Variants in PRKCZ observed in about 807,000 individuals in gnomAD.
PRKCZ encodes protein kinase C zeta.
PRKCZ carries 33 observed loss-of-function variants against 79.5 expected under a neutral mutation model. The observed-to-expected ratio is 0.41, with a 90% CI of 0.31 to 0.55. PRKCZ has a LOEUF of 0.55. Ranked by LOEUF, PRKCZ falls within the 20% of genes least tolerant of loss-of-function variation. PRKCZ has a pLI of 0.19. For missense variants in PRKCZ, 578 were observed against 813.5 expected, an observed-to-expected ratio of 0.71 and a Z score of 3.52; for synonymous variants, 342 against 320.9, an observed-to-expected ratio of 1.07 and a Z score of -0.70.
At chr1:2,096,897 T>C (rs1419334285) in intron 4 of PRKCZ, among the ~76,000 whole-genome samples, 1 of 152,344 alleles carries the variant, frequency 6.6e-6, no homozygotes, top group East Asian at 1.9e-4. Flanking sequence ...CCCTTGAGGC[T>C]GAACCTGAGA....
At chr1:2,096,474 A>T (rs1238251932) in intron 4 of PRKCZ, among the ~76,000 whole-genome samples, 1 of 151,954 alleles carries the variant, frequency 6.6e-6, no homozygotes, top group Non-Finnish European at 1.5e-5. Flanking sequence ...GGTTGTACGG[A>T]CTTCGTGAGG....
At chr1:2,121,490 G>C (rs1360174240) in intron 4 of PRKCZ, among the ~76,000 whole-genome samples, 1 of 53,644 alleles carries the variant, frequency 1.9e-5, no homozygotes. Context: ...TTAGGGTCAC[G>C]GTGGTAGTTA....
At chr1:2,056,347 C>T in intron 2 of PRKCZ, 137 bp from the exon 3 acceptor site, 4 of 759,534 alleles carry the variant, frequency 5.3e-6, no homozygotes, top group Non-Finnish European at 8.3e-6. Flanking sequence ...CCTCCCGACC[C>T]TGCCAGGAGG....
rs571868348 is a variant in PRKCZ at position 2,128,691 on chromosome 1, C to T, written c.335-6571C>T. On this transcript the variant is annotated intron_variant, in intron 4 of 17. Transcript: ENST00000378567. The surrounding 1 kb of genome is among the most constrained non-coding windows in gnomAD (Gnocchi z 6.5). ...TGGCAGGATGGGTCCCCAATGGGCA[C>T]GTGACATCGAGCCAGCTCTGACTCC... Among the ~76,000 whole-genome samples, 12 of 152,284 alleles carry T rather than the reference C, an allele frequency of 7.9e-5. No individual in the cohort carries two copies. In the South Asian group the frequency reaches 1.2e-3, roughly 16 times the overall value.
At chr1:2,059,136 G>T (rs1384488056) in intron 3 of PRKCZ, among the ~76,000 whole-genome samples, 4 of 152,168 alleles carry the variant, frequency 2.6e-5, no homozygotes, top group Admixed American at 2.6e-4. Context: ...ATAATTTATT[G>T]TGGAAGCCCA....
Position 2,104,823 on chromosome 1 carries a change from C to T in PRKCZ, c.335-30439C>T, listed in dbSNP as rs1374211541. 4.3e-5 allele frequency: 42 copies of T among 985,766 alleles called. 1 individual carries two copies. Among genetic ancestry groups the T allele is most frequent in the Non-Finnish European group, 4.7e-5 (39 of 830,314 alleles). 61.1% of individuals were successfully genotyped at this position (985,766 alleles called of 1,614,324 possible). Reference sequence around the variant, plus strand: ...AAGGGAGAGTTGGAGGGCGCTTCCTCGCCGGGTGTTGCGGTGTGAGCGGGG... The same window carrying T: ...AAGGGAGAGTTGGAGGGCGCTTCCTTGCCGGGTGTTGCGGTGTGAGCGGGG... On this transcript the variant is annotated intron_variant, in intron 4 of 17. Transcript: ENST00000378567.
chr1:2,068,687 C>G (rs553278075), intron 4 of PRKCZ, among the ~76,000 whole-genome samples: 12 of 152,374 alleles, frequency 7.9e-5, no homozygotes, highest in African/African-American at 2.9e-4. Flanking sequence ...AGGTCTGCCT[C>G]TGATCTGGTG....
intron 4 of PRKCZ, among the ~76,000 whole-genome samples, chr1:2,081,282 A>G (rs1663461097): frequency 6.9e-6 from 1 of 145,072 alleles, no homozygotes. Context: ...TATTGCTCAG[A>G]TTGTTCCAGC....
chr1:2,116,566 A>G, intron 4 of PRKCZ, among the ~76,000 whole-genome samples: 1 of 152,072 alleles, frequency 6.6e-6, no homozygotes, highest in East Asian at 1.9e-4. Flanking sequence ...ACAGAAAGTA[A>G]AAGCTTACTT....
At chr1:2,061,096 G>A (rs1228783430) in intron 4 of PRKCZ, among the ~76,000 whole-genome samples, 3 of 152,234 alleles carry the variant, frequency 2.0e-5, no homozygotes, top group Non-Finnish European at 4.4e-5. Flanking sequence ...GGGGACCCAC[G>A]GGCCGTGTTT....
chr1:2,159,345 T>G (rs1197323352), intron 10 of PRKCZ, among the ~76,000 whole-genome samples: 2 of 152,260 alleles, frequency 1.3e-5, no homozygotes, highest in Non-Finnish European at 2.9e-5. Context: ...TGGAGGTGAC[T>G]GCAGGCTTTA....
chr1:2,137,492 C>G (rs540389537), intron 5 of PRKCZ, among the ~76,000 whole-genome samples: 1 of 152,232 alleles, frequency 6.6e-6, no homozygotes, highest in South Asian at 2.1e-4. Flanking sequence ...CGCAGGGCTG[C>G]GCCCTCCTTC....
intron 2 of PRKCZ, 38 bp downstream of exon 2, chr1:2,055,600 C>T: frequency 6.3e-7 from 1 of 1,593,652 alleles, no homozygotes; most frequent in Non-Finnish European, 8.6e-7. Flanking sequence ...TCCTCAGCCT[C>T]AGGGGACTTC....
At chr1:2,161,382 C>T (rs1172396702) in intron 10 of PRKCZ, among the ~76,000 whole-genome samples, 5 of 152,216 alleles carry the variant, frequency 3.3e-5, no homozygotes, top group Admixed American at 3.3e-4. Context: ...GCTTGGTTTG[C>T]CTTTTGCATT....
intron 4 of PRKCZ, among the ~76,000 whole-genome samples, chr1:2,126,943 G>A (rs952127428): frequency 5.3e-5 from 8 of 152,210 alleles, no homozygotes; most frequent in Admixed American, 2.0e-4. Flanking sequence ...CCACAGGGCC[G>A]GGTTCTGCCT....
intron 4 of PRKCZ, among the ~76,000 whole-genome samples, chr1:2,076,558 A>G (rs1430725756): frequency 1.3e-5 from 2 of 152,282 alleles, no homozygotes; most frequent in East Asian, 1.9e-4. Flanking sequence ...CCTGGCCAAC[A>G]TGGAGAAACC....
chr1:2,069,483 C>G (rs1488189397), intron 4 of PRKCZ, among the ~76,000 whole-genome samples: 1 of 152,220 alleles, frequency 6.6e-6, no homozygotes, highest in Non-Finnish European at 1.5e-5. Context: ...TTTTCTTTAC[C>G]TGTAAAACGG....
At position 2,135,246 on chromosome 1, in the gene PRKCZ, C is replaced by T. The variant is rs778862827; in HGVS notation, c.335-16C>T. On this transcript the variant is annotated splice_polypyrimidine_tract_variant and intron_variant, in intron 4 of 17. Transcript: ENST00000378567. ...TGCCACGCTGTTTCTTTACACCTTTCTCATATCCTTTCCAGAATCTATCTA... is the reference window on the plus strand; with the variant it reads ...TGCCACGCTGTTTCTTTACACCTTTTTCATATCCTTTCCAGAATCTATCTA... The T allele has an allele frequency of 3.2e-5, 52 of 1,606,412 alleles. No individual in the cohort carries two copies. The East Asian group carries it at 1.2e-3, about 36-fold the overall frequency.
Position 2,125,576 on chromosome 1 carries a change from G to T in PRKCZ, c.335-9686G>T, listed in dbSNP as rs1189078428. Among the ~76,000 whole-genome samples, 1 of 152,212 alleles carries T rather than the reference G, an allele frequency of 6.6e-6. No individual in the cohort carries two copies. The highest frequency in any genetic ancestry group is 1.5e-5 in the Non-Finnish European group (1 of 68,032). On this transcript the variant is annotated intron_variant, in intron 4 of 17. Coordinates refer to ENST00000378567, the MANE Select transcript of PRKCZ (RefSeq NM_002744.6). The surrounding 1 kb of genome is among the most constrained non-coding windows in gnomAD (Gnocchi z 4.2). ...GCGTGGGGCCCTGGGCTGGCTGCAA[G>T]ACGTGGAGTGACTGTGGGTCCCCGT...
Sources: gnomAD v4.1 joint callset for allele counts (sites outside exome capture counted in the v4.1 genomes callset) on GRCh38, gnomAD v4.1.1 for gene constraint, Gnocchi (gnomAD v3.1) non-coding constraint, MANE v1.5 for transcripts, NCBI Gene and HGNC (gene_info 2026-07-23, HGNC 2026-07-21) for gene names.